The following CTBP2 variants were observed in gnomAD, a reference collection of about 807,000 sequenced individuals.
CTBP2 encodes the protein C-terminal-binding protein 2.
Under a neutral mutation model 80.3 loss-of-function variants are expected in CTBP2, and 30 were observed. The ratio of observed to expected loss-of-function variants is 0.37; its 90% CI spans 0.28 to 0.51. The LOEUF is 0.51. Ranked by LOEUF, CTBP2 falls within the 20% of genes least tolerant of loss-of-function variation. The pLI, the probability that CTBP2 is intolerant of heterozygous loss-of-function variation, is 0.93. For missense variants in CTBP2, 1,212 were observed against 1,375.3 expected, an observed-to-expected ratio of 0.88 and a Z score of 1.88; for synonymous variants, 594 against 587.4, an observed-to-expected ratio of 1.01 and a Z score of -0.16.
chr10:125,033,652 A>T (rs1958510260), intron 3 of CTBP2, among the ~76,000 whole-genome samples: 1 of 152,044 alleles, frequency 6.6e-6, no homozygotes, highest in Non-Finnish European at 1.5e-5. Context: ...TCCTCCAAAC[A>T]CGGAGACTAC....
chr10:125,016,461 T>C (rs1331410667), intron 1 of CTBP2, among the ~76,000 whole-genome samples: 2 of 152,204 alleles, frequency 1.3e-5, no homozygotes. Flanking sequence ...GGACCCTGAG[T>C]AGCCTGTAGC....
chr10:125,139,706 G>C (rs112022030), intron 1 of CTBP2, among the ~76,000 whole-genome samples: 321 of 152,292 alleles, frequency 2.1e-3, no homozygotes, highest in African/African-American at 7.2e-3. Flanking sequence ...ATCCACCCAA[G>C]GGAAGCAACT....
chr10:125,093,625 C>G (rs1247386825), intron 2 of CTBP2, among the ~76,000 whole-genome samples: 2 of 152,218 alleles, frequency 1.3e-5, no homozygotes, highest in Non-Finnish European at 2.9e-5. Flanking sequence ...TTCGACACAG[C>G]TGGGTGGGAA....
rs1318999684 is a variant in CTBP2 at position 125,059,637 on chromosome 10, G to A, written c.-101-20482C>T. Among the ~76,000 whole-genome samples, 3 of 152,096 alleles carry A rather than the reference G, an allele frequency of 2.0e-5. No individual in the cohort carries two copies. In the East Asian group the frequency reaches 5.8e-4, roughly 29 times the overall value. On this transcript the variant is annotated intron_variant, in intron 2 of 10. Transcript: ENST00000337195. Reference sequence around the variant, plus strand: ...CCCATCCTGATCCACACCTGACCTGGACCCATTAGCCTAATGTCCACGCTA... The same window carrying A: ...CCCATCCTGATCCACACCTGACCTGAACCCATTAGCCTAATGTCCACGCTA...
upstream of CTBP2, chr10:125,032,800 G>T (rs1467111002): frequency 1.3e-5 from 2 of 154,796 alleles, no homozygotes; most frequent in Non-Finnish European, 2.9e-5. Flanking sequence ...CAGAGACATG[G>T]ACACAGTCCC....
intron 1 of CTBP2, among the ~76,000 whole-genome samples, chr10:125,135,575 C>T (rs1591008967): frequency 6.6e-6 from 1 of 152,328 alleles, no homozygotes; most frequent in East Asian, 1.9e-4. Flanking sequence ...TGGACCAAGG[C>T]AGGAAGATCC....
Position 125,027,754 on chromosome 10 carries a change from T to G in CTBP2, c.6A>C (p.Pro2=). The change falls in exon 1 of 9, where the codon CCA becomes CCC. Residue 2 remains proline, a synonymous_variant. Transcript: ENST00000309035. ...CAATATTTATATGCCTGCTGGGAAC[T>G]GGCATTGGAAAAAAAATGACTGCGG... is the stretch of plus-strand genomic sequence containing the variant. The G allele has an allele frequency of 6.3e-7, 1 of 1,574,866 alleles. No homozygotes were observed. Among genetic ancestry groups the G allele is most frequent in the Non-Finnish European group, 8.6e-7 (1 of 1,158,442 alleles).
intron 1 of CTBP2, among the ~76,000 whole-genome samples, chr10:125,117,203 C>T (rs780578722): frequency 6.6e-6 from 1 of 152,226 alleles, no homozygotes; most frequent in Non-Finnish European, 1.5e-5. Context: ...CGCAGTACAA[C>T]GCATTGTAAC....
chr10:124,988,575 A>G lies in CTBP2; in HGVS notation c.*943T>C, dbSNP rs1204810878. 1.3e-5 allele frequency: 2 copies of G among 152,670 alleles called. No homozygotes were observed. The highest frequency in any genetic ancestry group is 6.5e-5 in the Admixed American group (1 of 15,292). 9.5% of individuals were successfully genotyped at this position (152,670 alleles called of 1,614,324 possible). A position where few individuals can be genotyped will look rare whatever the true frequency, so the allele number is the denominator to read the frequency against. On this transcript the variant is annotated 3_prime_UTR_variant, in exon 9 of 9. Transcript: ENST00000309035. The stretch of plus-strand genomic sequence containing the variant: ...GGCAATGATTCACAAAAGACTATGA[A>G]TAGAACATGTAACTAGTTGATACAA...
chr10:125,006,032 A>C, intron 1 of CTBP2: 6 of 1,407,818 alleles, frequency 4.3e-6, no homozygotes, highest in Non-Finnish European at 5.5e-6. Flanking sequence ...CATCCGCAGC[A>C]TCATCAGTGC....
chr10:125,148,529 G>A (rs762715579), intron 1 of CTBP2, among the ~76,000 whole-genome samples: 56 of 152,272 alleles, frequency 3.7e-4, no homozygotes, highest in Non-Finnish European at 7.1e-4. Context: ...TGCTCTGAGG[G>A]GCCAAGTAAC....
At chr10:125,146,096 G>A (rs573773717) in intron 1 of CTBP2, among the ~76,000 whole-genome samples, 12 of 151,972 alleles carry the variant, frequency 7.9e-5, no homozygotes, top group African/African-American at 2.7e-4. Flanking sequence ...GCTAATTTTT[G>A]TATTTCTAGA....
At chr10:125,052,842 G>A (rs983004608) in intron 2 of CTBP2, among the ~76,000 whole-genome samples, 4 of 152,296 alleles carry the variant, frequency 2.6e-5, no homozygotes, top group South Asian at 2.1e-4. Context: ...GGAATTGGGC[G>A]CTTGGATCAA....
chr10:125,045,256 T>C (rs1960936471), intron 2 of CTBP2, among the ~76,000 whole-genome samples: 1 of 152,162 alleles, frequency 6.6e-6, no homozygotes, highest in Non-Finnish European at 1.5e-5. Flanking sequence ...GATCATTAGT[T>C]TTACATTTCC....
rs536158446 is a variant in CTBP2 at position 124,991,049 on chromosome 10, T to G, written c.2778-1351A>C. 2.6e-5 allele frequency among the ~76,000 whole-genome samples: 4 copies of G among 152,394 alleles called. No individual in the cohort carries two copies. The East Asian group carries it at 7.7e-4, about 29-fold the overall frequency. The stretch of plus-strand genomic sequence containing the variant: ...CTGAGATGGGAAGTGGTATGCTTGC[T>G]GGCTGTTGGCTGGGGGCCCGCCTTC... On this transcript the variant is annotated intron_variant, in intron 8 of 8. Coordinates refer to ENST00000309035, the MANE Select transcript of CTBP2 (RefSeq NM_022802.3).
intron 2 of CTBP2, among the ~76,000 whole-genome samples, chr10:125,104,185 G>A (rs561453065): frequency 7.9e-5 from 12 of 152,258 alleles, no homozygotes; most frequent in Non-Finnish European, 1.5e-4. Context: ...GGGGACATTC[G>A]ATCCCAGCGG....
intron 2 of CTBP2, among the ~76,000 whole-genome samples, chr10:125,095,160 T>C (rs967466971): frequency 6.6e-6 from 1 of 152,134 alleles, no homozygotes; most frequent in Non-Finnish European, 1.5e-5. Flanking sequence ...TTCCCATCCA[T>C]GTCACTGCTC....
chr10:125,005,123 G>A lies in CTBP2; in HGVS notation c.1679-1631C>T, dbSNP rs757095640. Among the ~76,000 whole-genome samples the A allele has an allele frequency of 7.2e-5, 11 of 152,230 alleles. 1 individual carries two copies. The highest frequency in any genetic ancestry group is 1.2e-4 in the Non-Finnish European group (8 of 68,024). On this transcript the variant is annotated intron_variant, in intron 1 of 8. Transcript: ENST00000309035. ...TAAGACTATACACGGTGCTGGGGAG[G>A]GACGGCCCAGAGCACCTGCACCAGC...
intron 1 of CTBP2, among the ~76,000 whole-genome samples, chr10:125,116,268 G>A (rs1853264447): frequency 6.6e-6 from 1 of 152,234 alleles, no homozygotes; most frequent in Non-Finnish European, 1.5e-5. Flanking sequence ...GAGACGGGTA[G>A]TGTGCAGGTC....
Sources: gnomAD v4.1 joint callset for allele counts (sites outside exome capture counted in the v4.1 genomes callset) on GRCh38, gnomAD v4.1.1 for gene constraint, MANE v1.5 for transcripts, NCBI Gene and HGNC (gene_info 2026-07-23, HGNC 2026-07-21) for gene names.